RPTOR: variants seen among roughly 807,000 people sequenced by gnomAD.
RPTOR encodes the protein regulatory-associated protein of mTOR.
Under a neutral mutation model 169.9 loss-of-function variants are expected in RPTOR, and 21 were observed. The ratio of observed to expected loss-of-function variants is 0.12; its 90% CI spans 0.09 to 0.18. The LOEUF is 0.18. Ranked by LOEUF, RPTOR falls within the 10% of genes least tolerant of loss-of-function variation. The pLI, the probability that RPTOR is intolerant of heterozygous loss-of-function variation, is 1.00. For missense variants in RPTOR, 1,133 were observed against 1,855.9 expected (o/e 0.61, Z 7.16); for synonymous variants, 732 against 753.2 (o/e 0.97, Z 0.46).
intron 1 of RPTOR, among the ~76,000 whole-genome samples, chr17:80,608,111 G>C (rs2065241528): frequency 6.6e-6 from 1 of 152,190 alleles, no homozygotes; most frequent in Non-Finnish European, 1.5e-5. Flanking sequence ...TAATTCTTTT[G>C]ATTTTGAGAG....
intron 5 of RPTOR, among the ~76,000 whole-genome samples, chr17:80,752,394 A>G (rs4401092): frequency 0.42 from 64,605 of 152,152 alleles, 14,408 homozygotes; most frequent in Non-Finnish European, 0.49. Context: ...GCTTGTGCGC[A>G]GCTGCTGTGC....
At chr17:80,779,848 C>T (rs1598299253) in intron 6 of RPTOR, among the ~76,000 whole-genome samples, 1 of 152,184 alleles carries the variant, frequency 6.6e-6, no homozygotes, top group African/African-American at 2.4e-5. Context: ...ATTGGAAAAT[C>T]TATGTGAGTT....
chr17:80,620,532 A>G (rs918672088), intron 1 of RPTOR, among the ~76,000 whole-genome samples: 1 of 152,212 alleles, frequency 6.6e-6, no homozygotes, highest in Non-Finnish European at 1.5e-5. Context: ...TGGGAGGCGG[A>G]TGCTGCCAGA....
intron 13 of RPTOR, among the ~76,000 whole-genome samples, chr17:80,876,390 T>G (rs71368099): frequency 1.3e-4 from 3 of 22,764 alleles, no homozygotes; most frequent in East Asian, 1.4e-3. Context: ...TCGCCTGCCG[T>G]GTCTTCCCAC....
intron 3 of RPTOR, among the ~76,000 whole-genome samples, chr17:80,693,980 T>C (rs2066014889): frequency 6.6e-6 from 1 of 152,248 alleles, no homozygotes. Context: ...AGAAACGGGC[T>C]TGGTCTGAAC....
intron 20 of RPTOR, among the ~76,000 whole-genome samples, chr17:80,902,300 C>T (rs1414926200): frequency 2.0e-5 from 3 of 152,224 alleles, no homozygotes; most frequent in Non-Finnish European, 2.9e-5. Flanking sequence ...ACATTCAAGG[C>T]CTTCCTTCAG....
intron 13 of RPTOR, among the ~76,000 whole-genome samples, chr17:80,873,984 G>A (rs540736192): frequency 2.0e-5 from 3 of 152,240 alleles, no homozygotes; most frequent in Non-Finnish European, 4.4e-5. Context: ...AGAAGGGATG[G>A]GCAGTGGAAT....
chr17:80,894,221 G>A (rs867475826), intron 20 of RPTOR, among the ~76,000 whole-genome samples: 3 of 152,112 alleles, frequency 2.0e-5, no homozygotes, highest in Non-Finnish European at 2.9e-5. Flanking sequence ...GTTCTCAGCC[G>A]GGGGTGGTTT....
At chr17:80,564,051 A>G (rs1029967182) in intron 1 of RPTOR, among the ~76,000 whole-genome samples, 7 of 150,036 alleles carry the variant, frequency 4.7e-5, no homozygotes, top group Non-Finnish European at 7.4e-5. Flanking sequence ...TGCAGGGAAC[A>G]TTCACATGTC....
At chr17:80,834,503 C>G (rs1327848247) in intron 9 of RPTOR, among the ~76,000 whole-genome samples, 1 of 152,174 alleles carries the variant, frequency 6.6e-6, no homozygotes, top group African/African-American at 2.4e-5. Flanking sequence ...CCAGAACCAT[C>G]TGGGGCTGCT....
chr17:80,867,672 G>T (rs981195448), intron 13 of RPTOR, among the ~76,000 whole-genome samples: 1 of 152,132 alleles, frequency 6.6e-6, no homozygotes, highest in Non-Finnish European at 1.5e-5. Flanking sequence ...TAGTAAGTTT[G>T]CAGGTTATAA....
intron 1 of RPTOR, among the ~76,000 whole-genome samples, chr17:80,549,036 G>GT (rs1195263384): frequency 2.0e-5 from 3 of 152,040 alleles, no homozygotes; most frequent in African/African-American, 7.2e-5. Flanking sequence ...CTCCCAAGAA[G>GT]TTTTTTTTGC....
Position 80,717,500 on chromosome 17 carries a change from G to A in RPTOR, c.507+9501G>A, listed in dbSNP as rs190254440. ...TATTCCATTAGTTTATCCTTTCATA[G>A]GTTTATTTTGCACATCACGTGGCAT... On this transcript the variant is annotated intron_variant, in intron 4 of 33. Transcript: ENST00000306801. 4.8e-3 allele frequency among the ~76,000 whole-genome samples: 730 copies of A among 152,252 alleles called. 6 individuals carry two copies. The highest frequency in any genetic ancestry group is 0.016 in the African/African-American group (683 of 41,540).
At chr17:80,962,729 C>A in intron 32 of RPTOR, 152 bp downstream of exon 32, 1 of 1,112,840 alleles carries the variant, frequency 9.0e-7, no homozygotes, top group Non-Finnish European at 1.3e-6. Context: ...GATGTCTGCC[C>A]ACCACATCCT....
At chr17:80,660,566 C>T (rs938374445) in intron 3 of RPTOR, among the ~76,000 whole-genome samples, 2 of 152,148 alleles carry the variant, frequency 1.3e-5, no homozygotes, top group South Asian at 2.1e-4. Flanking sequence ...GACACGGTCT[C>T]CTGCAGGTCT....
chr17:80,744,288 G>A (rs201547414), intron 5 of RPTOR, among the ~76,000 whole-genome samples: 23 of 89,246 alleles, frequency 2.6e-4, no homozygotes, highest in South Asian at 6.7e-4. Context: ...TACTAGCACT[G>A]TCCTGGCTAC....
At position 80,860,836 on chromosome 17, in the gene RPTOR, A is replaced by G. The variant is rs1438935617; in HGVS notation, c.1509+2936A>G. On this transcript the variant is annotated intron_variant, in intron 13 of 33. Transcript: ENST00000306801. This position sits in a 1 kb window ranked among gnomAD's most constrained non-coding sequence, Gnocchi z 5.8. ...TTTTTCTGGGCCTGGGGCACTGACC[A>G]TGGCTCTGCTGGCACGGGTCGGCTA... Among the ~76,000 whole-genome samples, 2 of 151,954 alleles carry G rather than the reference A, an allele frequency of 1.3e-5. No individual in the cohort carries two copies. Among genetic ancestry groups the G allele is most frequent in the Non-Finnish European group, 2.9e-5 (2 of 68,004 alleles).
intron 4 of RPTOR, among the ~76,000 whole-genome samples, chr17:80,729,932 C>A (rs1191271039): frequency 2.0e-5 from 3 of 152,184 alleles, no homozygotes; most frequent in Non-Finnish European, 2.9e-5. Context: ...AGCTCTGGTT[C>A]CATGGAGGGA....
intron 7 of RPTOR, among the ~76,000 whole-genome samples, chr17:80,813,531 C>A (rs2067293824): frequency 1.3e-5 from 2 of 152,218 alleles, no homozygotes; most frequent in Non-Finnish European, 2.9e-5. Flanking sequence ...TTCAGTAACT[C>A]TCCTGTTACT....
Sources: gnomAD v4.1 joint callset for allele counts (sites outside exome capture counted in the v4.1 genomes callset) on GRCh38, gnomAD v4.1.1 for gene constraint, Gnocchi (gnomAD v3.1) non-coding constraint, MANE v1.5 for transcripts, NCBI Gene and HGNC (gene_info 2026-07-23, HGNC 2026-07-21) for gene names.